NBEA: variants seen among roughly 807,000 people sequenced by gnomAD.
NBEA encodes neurobeachin.
In NBEA, 44 loss-of-function variants were observed where a neutral mutation model predicts 343.4. That is an observed-to-expected ratio of 0.13 (90% CI 0.10 to 0.16). The LOEUF (loss-of-function observed/expected upper bound fraction) is 0.16. NBEA is among the 10% of genes least tolerant of loss of function. The pLI is 1.00. For synonymous variants in NBEA, 1,175 were observed against 1,238.7 expected (o/e 0.95, Z 1.08); for missense variants, 2,555 against 3,631.3 (o/e 0.70, Z 7.62).
At chr13:34,963,502 T>TG (rs892164051) in intron 1 of NBEA, among the ~76,000 whole-genome samples, 6 of 151,978 alleles carry the variant, frequency 3.9e-5, no homozygotes, top group African/African-American at 9.7e-5. Flanking sequence ...TATGAATTTT[T>TG]GGGGGGATAC....
chr13:35,465,132 A>T (rs550499473), intron 40 of NBEA, among the ~76,000 whole-genome samples: 4 of 152,236 alleles, frequency 2.6e-5, no homozygotes, highest in African/African-American at 9.6e-5. Context: ...AAATACAGTT[A>T]TCTTTTATAT....
chr13:35,380,441 T>G (rs2041958161), intron 38 of NBEA, among the ~76,000 whole-genome samples: 1 of 151,796 alleles, frequency 6.6e-6, no homozygotes, highest in Admixed American at 6.6e-5. Context: ...AGTGAGACTC[T>G]TGTCTCAAAA....
chr13:35,559,764 A>G (rs1378655061), intron 44 of NBEA, among the ~76,000 whole-genome samples: 2 of 151,870 alleles, frequency 1.3e-5, no homozygotes, highest in Non-Finnish European at 2.9e-5. Context: ...AAATACAAAA[A>G]AATTAGCTGG....
At chr13:35,314,552 A>AT (rs967562082) in intron 36 of NBEA, among the ~76,000 whole-genome samples, 1 of 152,026 alleles carries the variant, frequency 6.6e-6, no homozygotes, top group Non-Finnish European at 1.5e-5. Context: ...TTTGTAGTGG[A>AT]TTTTTTATGG....
At chr13:35,425,917 C>G (rs1314389129) in intron 38 of NBEA, among the ~76,000 whole-genome samples, 2 of 152,100 alleles carry the variant, frequency 1.3e-5, no homozygotes, top group Non-Finnish European at 2.9e-5. Flanking sequence ...TTCTTTGTCT[C>G]TTTTGATCTT....
At position 35,088,751 on chromosome 13, in the gene NBEA, G is replaced by A. The variant is rs372548999; in HGVS notation, c.1572-9546G>A. On this transcript the variant is annotated intron_variant, in intron 10 of 58. Coordinates refer to ENST00000379939, the MANE Select transcript of NBEA (RefSeq NM_001385012.1). ...ACAGAACAGAGCCCTCAGAAATAAC[G>A]CTGCATATCTACAACTATCTGATCT... is the stretch of plus-strand genomic sequence containing the variant. Among the ~76,000 whole-genome samples, 8 of 151,016 alleles carry A rather than the reference G, an allele frequency of 5.3e-5. No individual in the cohort carries two copies. The South Asian group carries it at 1.0e-3, about 20-fold the overall frequency.
At chr13:35,572,847 A>G (rs190964186) in intron 45 of NBEA, among the ~76,000 whole-genome samples, 1 of 152,160 alleles carries the variant, frequency 6.6e-6, no homozygotes, top group East Asian at 1.9e-4. Context: ...TGGTTATTTT[A>G]TCTTTCTTTT....
chr13:35,127,611 T>C (rs2067197947), intron 17 of NBEA, among the ~76,000 whole-genome samples: 3 of 152,026 alleles, frequency 2.0e-5, no homozygotes, highest in South Asian at 2.1e-4. Context: ...ATTACAAATA[T>C]AGGCCTATTG....
intron 27 of NBEA, among the ~76,000 whole-genome samples, chr13:35,175,392 A>G (rs191434206): frequency 2.0e-4 from 30 of 152,336 alleles, no homozygotes; most frequent in Admixed American, 1.2e-3. Flanking sequence ...CACTTAATAT[A>G]TTGTCGTGAA....
At chr13:35,478,836 G>T (rs1420912314) in intron 41 of NBEA, among the ~76,000 whole-genome samples, 1 of 152,212 alleles carries the variant, frequency 6.6e-6, no homozygotes, top group African/African-American at 2.4e-5. Flanking sequence ...GAACACCCTT[G>T]GTTGTCAAGG....
chr13:35,428,991 A>T (rs2044908066), intron 38 of NBEA, among the ~76,000 whole-genome samples: 1 of 152,066 alleles, frequency 6.6e-6, no homozygotes, highest in Non-Finnish European at 1.5e-5. Context: ...TGGGGGTGGG[A>T]GTTCCCTGTC....
intron 41 of NBEA, among the ~76,000 whole-genome samples, chr13:35,493,360 GTTTA>G (rs1270753290): frequency 6.6e-6 from 1 of 151,936 alleles, no homozygotes; most frequent in Non-Finnish European, 1.5e-5. Context: ...TGATATGGGA[GTTTA>G]TTTAAATTTA....
At chr13:35,322,937 T>C (rs1262412108) in intron 36 of NBEA, among the ~76,000 whole-genome samples, 3 of 152,060 alleles carry the variant, frequency 2.0e-5, no homozygotes, top group African/African-American at 4.8e-5. Context: ...GCAACCTCCA[T>C]TTCCAAGGCT....
At chr13:35,624,212 A>G (rs1299810819) in intron 48 of NBEA, among the ~76,000 whole-genome samples, 2 of 152,152 alleles carry the variant, frequency 1.3e-5, no homozygotes. Flanking sequence ...AAAAAGTTGT[A>G]GGTGTAACTA....
chr13:35,220,508 A>AG (rs2074304942), intron 33 of NBEA, among the ~76,000 whole-genome samples: 1 of 152,146 alleles, frequency 6.6e-6, no homozygotes, highest in South Asian at 2.1e-4. Flanking sequence ...TTATTTTCTT[A>AG]TAGTGCTTTG....
chr13:35,081,367 A>G (rs1418008599), intron 10 of NBEA, among the ~76,000 whole-genome samples: 1 of 152,180 alleles, frequency 6.6e-6, no homozygotes, highest in Non-Finnish European at 1.5e-5. Flanking sequence ...TTAATGGGCA[A>G]CCATACTCTG....
chr13:35,359,125 C>T (rs555430613), intron 38 of NBEA, among the ~76,000 whole-genome samples: 1 of 152,246 alleles, frequency 6.6e-6, no homozygotes, highest in South Asian at 2.1e-4. Flanking sequence ...AGTATTTGAA[C>T]AGGAGAATAA....
intron 34 of NBEA, among the ~76,000 whole-genome samples, chr13:35,238,720 TAGAA>T (rs1327690571): frequency 6.6e-6 from 1 of 152,152 alleles, no homozygotes; most frequent in Non-Finnish European, 1.5e-5. Context: ...TGAAACATTT[TAGAA>T]AGAGATGTTA....
intron 41 of NBEA, among the ~76,000 whole-genome samples, chr13:35,540,225 G>C (rs903236687): frequency 6.6e-6 from 1 of 151,752 alleles, no homozygotes; most frequent in Non-Finnish European, 1.5e-5. Context: ...AAATCCAAAT[G>C]ATCTGAAACA....
Sources: gnomAD v4.1 joint callset for allele counts (sites outside exome capture counted in the v4.1 genomes callset) on GRCh38, gnomAD v4.1.1 for gene constraint, MANE v1.5 for transcripts, NCBI Gene and HGNC (gene_info 2026-07-23, HGNC 2026-07-21) for gene names.